The following MAP6D1 variants were observed in gnomAD, a reference collection of about 807,000 sequenced individuals.
The protein encoded by MAP6D1 is MAP6 domain-containing protein 1.
MAP6D1 carries 13 observed loss-of-function variants against 17.4 expected under a neutral mutation model. That is an observed-to-expected ratio of 0.75 (90% CI 0.49 to 1.19). MAP6D1 has a LOEUF of 1.19. MAP6D1 is among the 50% of genes most tolerant of loss of function. MAP6D1 has a pLI of 0.00. For missense variants in MAP6D1, 313 were observed against 312.6 expected, an observed-to-expected ratio of 1.00 and a Z score of -0.01; for synonymous variants, 141 against 145.7, an observed-to-expected ratio of 0.97 and a Z score of 0.23.
rs1202422891 is a variant in MAP6D1, at chr3:183,818,170, C to T, written c.402-59G>A. 11 of 1,420,590 alleles carry T rather than the reference C, an allele frequency of 7.7e-6. No individual in the cohort carries two copies. In the East Asian group the frequency reaches 2.3e-4, roughly 29 times the overall value. The allele number at this position is 1,420,590 out of a possible 1,614,324, so 88.0% of individuals were successfully genotyped here. On this transcript the variant is annotated intron_variant, in intron 1 of 2. Coordinates refer to ENST00000318631, the MANE Select transcript of MAP6D1 (RefSeq NM_024871.4). ...GGGTCAGCCACCCCTTTACCGACTC[C>T]CCAGGGGCTGCTGCTCTGCCCCATG...
intron 1 of MAP6D1, among the ~76,000 whole-genome samples, chr3:183,822,697 T>A (rs9844162): frequency 0.54 from 82,055 of 152,010 alleles, 22,326 homozygotes; most frequent in Middle Eastern, 0.62. Context: ...TGACACGTCC[T>A]CAAGCTGAGC....
chr3:183,818,223 C>T lies in MAP6D1; in HGVS notation c.402-112G>A, dbSNP rs777107771. 4.7e-5 allele frequency: 40 copies of T among 842,518 alleles called. 1 individual carries two copies. The highest frequency in any genetic ancestry group is 1.8e-4 in the South Asian group (12 of 66,564). 52.2% of individuals were successfully genotyped at this position (842,518 alleles called of 1,614,324 possible). ...CGGCCCTGCCAATTGCTGAAACCCTCGGCTCCAGGCAGTCCTCATCATCTT... is the reference window on the plus strand; with the variant it reads ...CGGCCCTGCCAATTGCTGAAACCCTTGGCTCCAGGCAGTCCTCATCATCTT... On this transcript the variant is annotated intron_variant, in intron 1 of 2. Coordinates refer to ENST00000318631, the MANE Select transcript of MAP6D1 (RefSeq NM_024871.4).
At chr3:183,821,924 A>G (rs1460565470) in intron 1 of MAP6D1, among the ~76,000 whole-genome samples, 4 of 151,664 alleles carry the variant, frequency 2.6e-5, no homozygotes, top group Admixed American at 2.0e-4. Flanking sequence ...GCCTCCCAAA[A>G]TGCTGGGATT....
rs1285471689 is a variant in MAP6D1, at chr3:183,817,371, C to T, written c.585G>A (p.Arg195=). The change falls in exon 3 of 3, where the codon CGG becomes CGA. Residue 195 remains arginine (R), a synonymous_variant. Coordinates refer to ENST00000318631, the MANE Select transcript of MAP6D1 (RefSeq NM_024871.4). The part of the protein sequence containing the change: ...PSAIFQASAP[R]ILNV ...GTGCAGGCAGTCACACGTTGAGAAT[C>T]CGGGGAGCTGAGGCCTGAAAGATGG... 6.4e-7 allele frequency: 1 copy of T among 1,568,882 alleles called. No homozygotes were observed. Among genetic ancestry groups the T allele is most frequent in the South Asian group, 1.2e-5 (1 of 85,096 alleles).
At position 183,825,270 on chromosome 3, in the gene MAP6D1, G is replaced by A. The variant is rs1727360176; in HGVS notation, c.278C>T (p.Ala93Val). Residue 93 changes from alanine (A) to valine (V), a missense_variant, in exon 1 of 3, where the codon GCG becomes GTG. Physicochemically the swap from Ala to Val is moderately conservative, Grantham distance 64 (BLOSUM62 0). Coordinates refer to ENST00000318631, the MANE Select transcript of MAP6D1 (RefSeq NM_024871.4). ...GGAGGATTTGCCCCTGCGGCCGCCC[G>A]CCCCCGGTCCGCGCCCCGGCGGCGG... The part of the protein sequence containing the change: ...KDPPPGRGPG[A>V]GGRRGKSSAQ... The A allele has an allele frequency of 5.2e-6, 7 of 1,342,458 alleles. No individual in the cohort carries two copies. The African/African-American group carries it at 7.7e-5, about 15-fold the overall frequency. 83.2% of individuals were successfully genotyped at this position (1,342,458 alleles called of 1,614,324 possible). A position where few individuals can be genotyped will look rare whatever the true frequency, so the allele number is the denominator to read the frequency against.
chr3:183,817,854 G>A, intron 2 of MAP6D1, 140 bp downstream of exon 2: 1 of 743,350 alleles, frequency 1.3e-6, no homozygotes, highest in Non-Finnish European at 2.3e-6. Flanking sequence ...AGTACCTTGG[G>A]TTTTTGTTCG....
At chr3:183,825,111 G>A (rs1461144581) in intron 1 of MAP6D1, 36 bp downstream of exon 1, 2 of 1,357,138 alleles carry the variant, frequency 1.5e-6, no homozygotes, top group East Asian at 3.1e-5. Context: ...CCCACCACAG[G>A]GTGGGGACTC....
chr3:183,825,157 T>A lies in MAP6D1; in HGVS notation c.391A>T (p.Thr131Ser), dbSNP rs1294833422. 6.9e-7 allele frequency: 1 copy of A among 1,453,246 alleles called. No individual in the cohort carries two copies. The highest frequency in any genetic ancestry group is 9.1e-7 in the Non-Finnish European group (1 of 1,100,626). The allele number at this position is 1,453,246 out of a possible 1,614,324, so 90.0% of individuals were successfully genotyped here. A position where few individuals can be genotyped will look rare whatever the true frequency, so the allele number is the denominator to read the frequency against. ...GDADAAAAVT[T>S]SYRQEFQAWT... ...CTACCCAGCCCATACCTGTACGACG[T>A]GGTCACTGCTGCAGCCGCGTCCGCG... Residue 131 changes from threonine (T) to serine (S), a missense_variant, in exon 1 of 3, where the codon ACG (threonine) becomes TCG (serine). Physicochemically the swap from Thr to Ser is moderately conservative, Grantham distance 58 (BLOSUM62 1). Transcript: ENST00000318631.
At chr3:183,822,240 AACACACACACACACACAC>A (rs60341893) in intron 1 of MAP6D1, among the ~76,000 whole-genome samples, 7,344 of 138,514 alleles carry the variant, frequency 0.053, 466 homozygotes, top group African/African-American at 0.15. Context: ...CCATCTCTAA[AACACACACACACACACAC>A]ACACACACAC....
At chr3:183,821,002 G>A (rs1012548457) in intron 1 of MAP6D1, among the ~76,000 whole-genome samples, 1 of 151,970 alleles carries the variant, frequency 6.6e-6, no homozygotes. Context: ...GGCTGAGGCA[G>A]GAGAATCGCT....
At position 183,825,263 on chromosome 3, in the gene MAP6D1, GCCGC is replaced by G; in HGVS notation, c.281_284del (p.Gly94AlafsTer35). On this transcript the variant is annotated frameshift_variant, in exon 1 of 3. Transcript: ENST00000318631. LOFTEE classifies it high-confidence loss of function. The stretch of plus-strand genomic sequence containing the variant: ...ACTGCGCGGAGGATTTGCCCCTGCG[GCCGC>G]CCGCCCCCGGTCCGCGCCCCGGCGG... 2.2e-6 allele frequency: 3 copies of G among 1,347,770 alleles called. No homozygotes were observed. The highest frequency in any genetic ancestry group is 2.9e-6 in the Non-Finnish European group (3 of 1,051,722). The allele number at this position is 1,347,770 out of a possible 1,614,324, so 83.5% of individuals were successfully genotyped here. A position where few individuals can be genotyped will look rare whatever the true frequency, so the allele number is the denominator to read the frequency against.
chr3:183,823,932 G>C (rs1727314087), intron 1 of MAP6D1, among the ~76,000 whole-genome samples: 1 of 152,236 alleles, frequency 6.6e-6, no homozygotes. Context: ...CATCTCCTCA[G>C]ACATCCATCA....
chr3:183,817,413 G>T lies in MAP6D1; in HGVS notation c.543C>A (p.Phe181Leu). ...GFQVPEVRKKFTPNPSAIFQA... is the reference protein window; with the variant it reads ...GFQVPEVRKKLTPNPSAIFQA... ...GAAAGATGGCGGAGGGGTTAGGAGT[G>T]AACTTCTTCCTCACCTCTGGGACCT... The change falls in exon 3 of 3, where the codon TTC (phenylalanine) becomes TTA (leucine). Residue 181 changes from phenylalanine (F) to leucine (L), a missense_variant. By Grantham distance (22) the Phe-to-Leu change is conservative (BLOSUM62 0). Transcript: ENST00000318631. The T allele has an allele frequency of 6.4e-7, 1 of 1,567,956 alleles. No homozygotes were observed. Among genetic ancestry groups the T allele is most frequent in the South Asian group, 1.2e-5 (1 of 85,038 alleles).
At chr3:183,823,142 G>A (rs1029137276) in intron 1 of MAP6D1, among the ~76,000 whole-genome samples, 8 of 152,198 alleles carry the variant, frequency 5.3e-5, no homozygotes, top group African/African-American at 1.9e-4. Context: ...TCACAGGCAG[G>A]CACCACCACG....
At chr3:183,824,351 G>A (rs1403994497) in intron 1 of MAP6D1, among the ~76,000 whole-genome samples, 2 of 152,190 alleles carry the variant, frequency 1.3e-5, no homozygotes, top group African/African-American at 2.4e-5. Context: ...AATACTGCAC[G>A]TTTATTAAAA....
chr3:183,821,056 C>T (rs1457746498), intron 1 of MAP6D1, among the ~76,000 whole-genome samples: 37 of 151,164 alleles, frequency 2.4e-4, no homozygotes, highest in South Asian at 6.2e-4. Flanking sequence ...GATGGCGCCA[C>T]TGCACTCCAG....
intron 2 of MAP6D1, 52 bp from the exon 3 acceptor site, chr3:183,817,488 A>G: frequency 6.9e-7 from 1 of 1,446,672 alleles, no homozygotes; most frequent in South Asian, 1.3e-5. Context: ...TTAACTCCCT[A>G]CTCTTCCCCA....
chr3:183,824,913 C>T (rs567173572), intron 1 of MAP6D1, among the ~76,000 whole-genome samples: 29 of 152,362 alleles, frequency 1.9e-4, no homozygotes, highest in Non-Finnish European at 3.7e-4. Context: ...CGGTGCGCTC[C>T]CGGCACGGGG....
chr3:183,817,540 C>A, intron 2 of MAP6D1, 104 bp from the exon 3 acceptor site: 1 of 1,049,772 alleles, frequency 9.5e-7, no homozygotes, highest in Non-Finnish European at 1.4e-6. Context: ...TCCTCTGCAT[C>A]CTCCAGGAGT....
Sources: gnomAD v4.1 joint callset for allele counts (sites outside exome capture counted in the v4.1 genomes callset) on GRCh38, gnomAD v4.1.1 for gene constraint, MANE v1.5 for transcripts, NCBI Gene and HGNC (gene_info 2026-07-23, HGNC 2026-07-21) for gene names.